The following ZFAT variants were observed in gnomAD, a reference collection of about 807,000 sequenced individuals.
ZFAT encodes zinc finger and AT-hook domain containing, also known as zinc finger protein ZFAT.
ZFAT carries 64 observed loss-of-function variants against 117.7 expected under a neutral mutation model. The observed-to-expected ratio is 0.54, with a 90% CI of 0.44 to 0.67. The LOEUF (loss-of-function observed/expected upper bound fraction) is 0.67, where lower values mean the gene tolerates loss of function less well. ZFAT is among the 30% of genes least tolerant of loss of function. The pLI is 0.00. For missense variants in ZFAT, 1,433 were observed against 1,584.5 expected (o/e 0.90, Z 1.62); for synonymous variants, 679 against 615.0 (o/e 1.10, Z -1.54).
At chr8:134,820,161 T>C in the ZFAT span, among the ~76,000 whole-genome samples, 2 of 152,200 alleles carry the variant, frequency 1.3e-5, no homozygotes, top group Admixed American at 6.5e-5. Context: ...AAAAGGTGAT[T>C]TGAATGAGGG....
chr8:134,813,798 T>TTA, the ZFAT span, among the ~76,000 whole-genome samples: 1 of 104,964 alleles, frequency 9.5e-6, no homozygotes, highest in Admixed American at 1.1e-4. Flanking sequence ...CGTTTTGATT[T>TTA]TATACACACA....
intron 1 of ZFAT, among the ~76,000 whole-genome samples, chr8:134,662,885 C>T (rs1055072009): frequency 3.3e-5 from 5 of 152,262 alleles, no homozygotes; most frequent in African/African-American, 1.2e-4. Context: ...GGGTCATCCG[C>T]CCACAGAGGA....
intron 1 of ZFAT, among the ~76,000 whole-genome samples, chr8:134,709,315 C>T (rs976481278): frequency 2.0e-5 from 3 of 152,168 alleles, no homozygotes; most frequent in African/African-American, 7.2e-5. Context: ...AGAGACAAAC[C>T]CCATTTCCTG....
intron 15 of ZFAT, among the ~76,000 whole-genome samples, chr8:134,479,103 G>C (rs958913969): frequency 2.0e-5 from 3 of 152,140 alleles, no homozygotes; most frequent in Non-Finnish European, 4.4e-5. Flanking sequence ...AGGGGTTGGC[G>C]GTGCTCCTGG....
intron 11 of ZFAT, among the ~76,000 whole-genome samples, chr8:134,540,012 C>T (rs778077033): frequency 8.5e-5 from 13 of 152,234 alleles, no homozygotes; most frequent in Non-Finnish European, 1.6e-4. Context: ...ACCAAAAACA[C>T]AAGAGTATGA....
At position 134,601,928 on chromosome 8, in the gene ZFAT, A is replaced by C; in HGVS notation, c.1791T>G (p.Phe597Leu). The change falls in exon 6 of 16, where the codon TTT becomes TTG. Residue 597 changes from phenylalanine (F) to leucine (L), a missense_variant. Around this residue, in one of 5 missense-constraint regions of ZFAT, gnomAD observed 372 missense variants for 355.6 expected, o/e 1.05. Coordinates refer to ENST00000377838, the MANE Select transcript of ZFAT (RefSeq NM_020863.4). ...CGGAGGAGGTATCATTTTTCAACAA[A>C]AAATCATCTGAAACCACCTCTTGAG... ...LHSQEVVSDD[F>L]LLKNDTSSAE... The C allele has an allele frequency of 6.2e-7, 1 of 1,614,070 alleles. No homozygotes were observed. Among genetic ancestry groups the C allele is most frequent in the South Asian group, 1.1e-5 (1 of 91,064 alleles).
chr8:134,537,990 G>C (rs62523733), intron 11 of ZFAT, among the ~76,000 whole-genome samples: 4,021 of 152,288 alleles, frequency 0.026, 69 homozygotes, highest in Non-Finnish European at 0.043. Flanking sequence ...TGTATTCCTA[G>C]AATTCTGAAC....
chr8:134,784,176 G>C, the ZFAT span: 1 of 152,206 alleles, frequency 6.6e-6, no homozygotes, highest in Non-Finnish European at 1.5e-5. Context: ...CAACACGCCA[G>C]ATCTATTAAG....
the ZFAT span, among the ~76,000 whole-genome samples, chr8:134,804,531 G>C: frequency 6.6e-6 from 1 of 152,184 alleles, no homozygotes; most frequent in Non-Finnish European, 1.5e-5. Flanking sequence ...ATTTACAATG[G>C]AGAAAATCAG....
At chr8:134,802,963 A>G in the ZFAT span, among the ~76,000 whole-genome samples, 5 of 152,236 alleles carry the variant, frequency 3.3e-5, no homozygotes, top group Non-Finnish European at 7.3e-5. Context: ...AACTACTAAA[A>G]AAGGCTGTAC....
intron 10 of ZFAT, among the ~76,000 whole-genome samples, chr8:134,579,700 C>A (rs1825584120): frequency 6.6e-6 from 1 of 152,190 alleles, no homozygotes; most frequent in Non-Finnish European, 1.5e-5. Context: ...CCTGTAACCC[C>A]AGCACTTTGG....
the ZFAT span, among the ~76,000 whole-genome samples, chr8:134,742,664 G>A: frequency 7.2e-3 from 1,090 of 152,234 alleles, 11 homozygotes; most frequent in African/African-American, 0.025. Flanking sequence ...TGAGCTCATC[G>A]TTCTCGCACT....
the ZFAT span, among the ~76,000 whole-genome samples, chr8:134,781,061 T>G: frequency 6.6e-6 from 1 of 152,312 alleles, no homozygotes; most frequent in Admixed American, 6.5e-5. Flanking sequence ...CATTTTATTT[T>G]TCTAGTAACT....
the ZFAT span, chr8:134,783,848 TG>T: frequency 6.6e-6 from 1 of 152,228 alleles, no homozygotes; most frequent in Non-Finnish European, 1.5e-5. Context: ...CCTCTCTGAA[TG>T]AGTGTGGGTC....
At chr8:134,514,699 T>C (rs945128496) in intron 13 of ZFAT, among the ~76,000 whole-genome samples, 1 of 152,184 alleles carries the variant, frequency 6.6e-6, no homozygotes, top group South Asian at 2.1e-4. Context: ...ACTCTTACTT[T>C]TTAAAAGAAT....
chr8:134,480,178 T>C (rs1176410515), intron 15 of ZFAT, among the ~76,000 whole-genome samples: 1 of 152,142 alleles, frequency 6.6e-6, no homozygotes, highest in African/African-American at 2.4e-5. Flanking sequence ...CACAAGCTGG[T>C]CTCGAACTCC....
upstream of ZFAT, among the ~76,000 whole-genome samples, chr8:134,713,200 G>T (rs1395909923): frequency 6.6e-6 from 1 of 152,156 alleles, no homozygotes; most frequent in African/African-American, 2.4e-5. Context: ...GCTGCGCCGC[G>T]TTTTGAGCCA....
chr8:134,544,060 C>A (rs1227985449), intron 11 of ZFAT, among the ~76,000 whole-genome samples: 1 of 152,160 alleles, frequency 6.6e-6, no homozygotes, highest in Non-Finnish European at 1.5e-5. Flanking sequence ...TCTTCACGAG[C>A]CTCATCTTGC....
intron 1 of ZFAT, among the ~76,000 whole-genome samples, chr8:134,685,927 C>G (rs577764922): frequency 7.2e-5 from 11 of 152,176 alleles, no homozygotes. Context: ...CATCTTAAGA[C>G]GAGTTAAGTG....
Sources: allele counts gnomAD v4.1 joint callset (sites outside exome capture counted in the v4.1 genomes callset), GRCh38; gene constraint gnomAD v4.1.1; regional missense constraint gnomAD v4.1.1; transcripts MANE v1.5; gene names NCBI Gene and HGNC (gene_info 2026-07-23, HGNC 2026-07-21).